UVSSA: variants seen among roughly 807,000 people sequenced by gnomAD.
UVSSA encodes UV-stimulated scaffold protein A.
In UVSSA, 72 loss-of-function variants were observed where a neutral mutation model predicts 73.9. The ratio of observed to expected loss-of-function variants is 0.97; its 90% CI spans 0.81 to 1.19. The LOEUF (loss-of-function observed/expected upper bound fraction) is 1.19. Among genes scored for constraint, UVSSA ranks in the 50% most tolerant of loss-of-function variants. UVSSA has a pLI of 0.00. For synonymous variants in UVSSA, 454 were observed against 391.3 expected, an observed-to-expected ratio of 1.16 and a Z score of -1.89; for missense variants, 1,150 against 965.0, an observed-to-expected ratio of 1.19 and a Z score of -2.54.
intron 7 of UVSSA, among the ~76,000 whole-genome samples, chr4:1,364,948 G>A (rs1032433391): frequency 1.3e-5 from 2 of 152,162 alleles, no homozygotes; most frequent in African/African-American, 4.8e-5. Context: ...GGCTCTCAGG[G>A]AAGGATGGTG....
intron 8 of UVSSA, among the ~76,000 whole-genome samples, chr4:1,366,762 G>A (rs76249177): frequency 0.015 from 2,238 of 152,264 alleles, 66 homozygotes; most frequent in African/African-American, 0.051. Flanking sequence ...TGGGACAGGG[G>A]CCACCATCCT....
intron 8 of UVSSA, 199 bp from the exon 9 acceptor site, chr4:1,375,165 T>C (rs757816187): frequency 2.6e-5 from 20 of 778,660 alleles, no homozygotes; most frequent in Non-Finnish European, 3.5e-5. Context: ...ACGCACGCCA[T>C]GTTCTGGCAG....
exon 14 of UVSSA, chr4:1,394,151 G>T (rs1720467770): frequency 1.2e-5 from 5 of 402,210 alleles, no homozygotes; most frequent in South Asian, 2.4e-5. Flanking sequence ...GGCAGCTCAG[G>T]TTCCTCTCGG....
chr4:1,380,290 G>A (rs1719324357), intron 11 of UVSSA, 60 bp downstream of exon 11: 1 of 1,553,254 alleles, frequency 6.4e-7, no homozygotes, highest in Admixed American at 1.8e-5. Context: ...GGCAGCCAGA[G>A]GGGTGCTGAG....
At chr4:1,371,419 C>G (rs929654722) in intron 8 of UVSSA, among the ~76,000 whole-genome samples, 4 of 151,992 alleles carry the variant, frequency 2.6e-5, no homozygotes, top group Non-Finnish European at 5.9e-5. Flanking sequence ...TGACTGAGGC[C>G]CCTGTTGACT....
intron 8 of UVSSA, among the ~76,000 whole-genome samples, chr4:1,369,852 T>A (rs953621087): frequency 6.6e-6 from 1 of 152,234 alleles, no homozygotes; most frequent in African/African-American, 2.4e-5. Flanking sequence ...TGGGAGTGAA[T>A]TTGAGCCAAG....
At chr4:1,355,088 C>T in intron 6 of UVSSA, 29 bp from the exon 7 acceptor site, 1 of 1,611,770 alleles carries the variant, frequency 6.2e-7, no homozygotes, top group East Asian at 2.2e-5. Context: ...CCGGCCGGCC[C>T]CTGAGCTGTT....
intron 13 of UVSSA, 88 bp from the exon 14 acceptor site, chr4:1,385,780 C>G: frequency 7.3e-7 from 1 of 1,376,078 alleles, no homozygotes. Flanking sequence ...GCCCCAGGAC[C>G]AGTGCCTAAC....
chr4:1,379,576 C>T (rs1170644235), intron 10 of UVSSA, among the ~76,000 whole-genome samples: 4 of 152,212 alleles, frequency 2.6e-5, no homozygotes, highest in Non-Finnish European at 5.9e-5. Flanking sequence ...GGCCTTCACT[C>T]CTTCTCCTGG....
At chr4:1,356,085 C>T (rs1715699806) in intron 7 of UVSSA, among the ~76,000 whole-genome samples, 1 of 152,172 alleles carries the variant, frequency 6.6e-6, no homozygotes, top group African/African-American at 2.4e-5. Context: ...GTCTCTCAGG[C>T]ACCTCTCCCT....
At chr4:1,376,791 CAG>C (rs1239075149) in intron 10 of UVSSA, among the ~76,000 whole-genome samples, 15 of 152,318 alleles carry the variant, frequency 9.8e-5, no homozygotes, top group African/African-American at 2.9e-4. Context: ...ATCGGGGGAA[CAG>C]GGCCCCTGCC....
At chr4:1,377,674 G>A (rs1718940738) in intron 10 of UVSSA, among the ~76,000 whole-genome samples, 1 of 152,130 alleles carries the variant, frequency 6.6e-6, no homozygotes, top group Admixed American at 6.5e-5. Context: ...CAGGCAGTTG[G>A]GCTGAGAGAG....
In UVSSA at chr4:1,386,808, C is replaced by G. The variant is rs1248876286; in HGVS notation, c.*847C>G. On this transcript the variant is annotated 3_prime_UTR_variant, in exon 14 of 14. Coordinates refer to ENST00000389851, the MANE Select transcript of UVSSA (RefSeq NM_020894.4). Reference sequence around the variant, plus strand: ...TCATAGCTCAGTGCAGCCTCAAACTCCTGGGCTCAAGCCATCCTTCCACGT... The same window carrying G: ...TCATAGCTCAGTGCAGCCTCAAACTGCTGGGCTCAAGCCATCCTTCCACGT... 1.3e-5 allele frequency: 2 copies of G among 151,984 alleles called. No individual in the cohort carries two copies. Among genetic ancestry groups the G allele is most frequent in the Non-Finnish European group, 2.9e-5 (2 of 68,010 alleles). 9.4% of individuals were successfully genotyped at this position (151,984 alleles called of 1,614,324 possible).
chr4:1,373,486 A>G (rs1056032197), intron 8 of UVSSA, among the ~76,000 whole-genome samples: 2 of 152,192 alleles, frequency 1.3e-5, no homozygotes, highest in African/African-American at 4.8e-5. Context: ...ACCCTCGCAG[A>G]CACACCCAAG....
chr4:1,379,389 C>T (rs759921785), intron 10 of UVSSA, among the ~76,000 whole-genome samples: 2 of 152,220 alleles, frequency 1.3e-5, no homozygotes, highest in East Asian at 1.9e-4. Flanking sequence ...TCCTCTTGGC[C>T]GGCACACCCA....
At chr4:1,364,935 C>T (rs1173301646) in intron 7 of UVSSA, among the ~76,000 whole-genome samples, 3 of 152,114 alleles carry the variant, frequency 2.0e-5, no homozygotes, top group Admixed American at 1.3e-4. Context: ...GCTGCAGAGG[C>T]GGGGCTCTCA....
In UVSSA at chr4:1,351,906, T is replaced by C. The variant is rs1379469171; in HGVS notation, c.550+71T>C. The C allele has an allele frequency of 1.4e-5, 22 of 1,579,236 alleles. 1 individual carries two copies. The highest frequency in any genetic ancestry group is 5.3e-5 in the Admixed American group (3 of 56,814). On this transcript the variant is annotated intron_variant, in intron 4 of 13. Coordinates refer to ENST00000389851, the MANE Select transcript of UVSSA (RefSeq NM_020894.4). Reference sequence around the variant, plus strand: ...CCCGTGGTCCAGCAGTTCATCCTCCTGGTCCCAGGGCCCCAGCCGCAAGGA... The same window carrying C: ...CCCGTGGTCCAGCAGTTCATCCTCCCGGTCCCAGGGCCCCAGCCGCAAGGA...
In UVSSA at chr4:1,395,252, G is replaced by C. The variant is rs1240036874; in HGVS notation, c.*9291G>C. On this transcript the variant is annotated 3_prime_UTR_variant, in exon 14 of 14. Transcript: ENST00000511216. ...CCGCCTGCTCACACGTGCCCATGTGGAGTGCCCGCCTGCTCACGTGCCGAT... is the reference window on the plus strand; with the variant it reads ...CCGCCTGCTCACACGTGCCCATGTGCAGTGCCCGCCTGCTCACGTGCCGAT... 3.2e-5 allele frequency: 50 copies of C among 1,567,796 alleles called. 5 individuals are homozygous for C. Among genetic ancestry groups the C allele is most frequent in the Non-Finnish European group, 4.2e-5 (49 of 1,159,872 alleles).
intron 5 of UVSSA, among the ~76,000 whole-genome samples, chr4:1,353,941 C>A (rs1475137177): frequency 6.6e-6 from 1 of 152,226 alleles, no homozygotes; most frequent in East Asian, 1.9e-4. Context: ...GACATAGCCG[C>A]CCCCGCCCCC....
Sources: allele counts gnomAD v4.1 joint callset (sites outside exome capture counted in the v4.1 genomes callset), GRCh38; gene constraint gnomAD v4.1.1; transcripts MANE v1.5; gene names NCBI Gene and HGNC (gene_info 2026-07-23, HGNC 2026-07-21).